The following PSMG2 variants were observed in gnomAD, a reference collection of about 807,000 sequenced individuals.
The protein encoded by PSMG2 is proteasome assembly chaperone 2, also known as CD40 ligand-activated specific transcript 3.
In PSMG2, 21 loss-of-function variants were observed where a neutral mutation model predicts 31.5. The observed-to-expected ratio is 0.67, with a 90% CI of 0.47 to 0.96. The LOEUF (loss-of-function observed/expected upper bound fraction) is 0.96, where lower values mean the gene tolerates loss of function less well. Ranked by LOEUF, PSMG2 falls within the 40% of genes least tolerant of loss-of-function variation. The pLI is 0.00. For missense variants in PSMG2, 318 were observed against 321.2 expected, an observed-to-expected ratio of 0.99 and a Z score of 0.08; for synonymous variants, 120 against 110.4, an observed-to-expected ratio of 1.09 and a Z score of -0.54.
chr18:12,673,310 A>G, intron 1 of PSMG2: 1 of 1,559,704 alleles, frequency 6.4e-7, no homozygotes, highest in Admixed American at 2.2e-5. Context: ...TAAGTAATGT[A>G]CAATGTGTAA....
intron 3 of PSMG2, among the ~76,000 whole-genome samples, chr18:12,714,487 C>CTT (rs11331115): frequency 1.3e-4 from 19 of 141,428 alleles, no homozygotes; most frequent in Admixed American, 2.1e-4. Context: ...TCCTTTCTTC[C>CTT]TTTTTTTTTT....
At chr18:12,665,871 AT>A (rs1376342367) in intron 1 of PSMG2, among the ~76,000 whole-genome samples, 1 of 152,056 alleles carries the variant, frequency 6.6e-6, no homozygotes, top group Non-Finnish European at 1.5e-5. Flanking sequence ...TAATTTTTGT[AT>A]TTTTAGTAGA....
chr18:12,724,403 A>C (rs2040456700), intron 5 of PSMG2, 96 bp from the exon 6 acceptor site: 1 of 1,282,468 alleles, frequency 7.8e-7, no homozygotes, highest in Non-Finnish European at 1.0e-6. Context: ...TCCTTTCCTA[A>C]ACCAGGTAGG....
rs1257030998 is a variant in PSMG2, at chr18:12,725,442, G to A, written c.706G>A (p.Asp236Asn). The change falls in exon 7 of 7, where the codon GAT becomes AAT. Residue 236 changes from aspartate (D) to asparagine (N), a missense_variant. Physicochemically the swap from Asp to Asn is conservative, Grantham distance 23. Transcript: ENST00000317615. ...EWLQILKPLS[D>N]DPTVSASRWK... ...ATATTTTGTTCTTCAATTACAGAGC[G>A]ATGACCCCACAGTATCTGCCTCACG... 11 of 1,580,654 alleles carry A rather than the reference G, an allele frequency of 7.0e-6. No individual in the cohort carries two copies. In the African/African-American group the frequency reaches 8.1e-5, roughly 12 times the overall value.
intron 1 of PSMG2, chr18:12,685,984 A>C (rs12957810): frequency 1.2e-5 from 3 of 252,618 alleles, no homozygotes; most frequent in East Asian, 9.7e-5. Flanking sequence ...ATATACTTTA[A>C]ATCACCTCTA....
chr18:12,669,322 GGCT>G (rs1364347451), intron 1 of PSMG2, among the ~76,000 whole-genome samples: 1 of 151,862 alleles, frequency 6.6e-6, no homozygotes, highest in Non-Finnish European at 1.5e-5. Flanking sequence ...ATGTTGGTCA[GGCT>G]GGTCTCGAAC....
Position 12,680,725 on chromosome 18 carries a change from G to A in PSMG2, c.-37+21952G>A. On this transcript the variant is annotated intron_variant, in intron 1 of 6. Transcript: ENST00000585331. ...ATCAGTTCCACAAGTCATAACCCAT[G>A]CATGAGGTACTCCTTTTGCCTTGGT... 1 of 1,613,482 alleles carries A rather than the reference G, an allele frequency of 6.2e-7. No individual in the cohort carries two copies. The highest frequency in any genetic ancestry group is 8.5e-7 in the Non-Finnish European group (1 of 1,179,884).
At chr18:12,706,450 G>A (rs1002021098) in intron 1 of PSMG2, 100 bp from the exon 2 acceptor site, 1 of 1,284,030 alleles carries the variant, frequency 7.8e-7, no homozygotes, top group Non-Finnish European at 1.1e-6. Context: ...TCACGCCACT[G>A]TACTCCAGCC....
intron 5 of PSMG2, chr18:12,724,074 C>T (rs546420731): frequency 1.3e-5 from 2 of 156,720 alleles, no homozygotes; most frequent in African/African-American, 4.8e-5. Context: ...GAAGTAGGAA[C>T]TTTTATTTCC....
chr18:12,709,858 A>T (rs1370170622), intron 2 of PSMG2, among the ~76,000 whole-genome samples: 1 of 138,258 alleles, frequency 7.2e-6, no homozygotes, highest in Non-Finnish European at 1.6e-5. Flanking sequence ...TGGGTCTTGA[A>T]CTCCTGACCT....
intron 5 of PSMG2, chr18:12,724,212 G>C: frequency 3.4e-6 from 1 of 294,692 alleles, no homozygotes; most frequent in Non-Finnish European, 6.2e-6. Flanking sequence ...TTGGGGAGTA[G>C]GTCAGAACAT....
chr18:12,697,693 T>A (rs969260639), intron 1 of PSMG2, among the ~76,000 whole-genome samples: 1 of 151,436 alleles, frequency 6.6e-6, no homozygotes, highest in African/African-American at 2.5e-5. Context: ...AGTACTTAAC[T>A]AAAGTATATG....
At chr18:12,723,151 T>A (rs112193646) in intron 5 of PSMG2, among the ~76,000 whole-genome samples, 14 of 152,362 alleles carry the variant, frequency 9.2e-5, no homozygotes, top group African/African-American at 3.1e-4. Flanking sequence ...CCTCGGTGCC[T>A]TTCCTTCCTT....
At chr18:12,680,654 A>G in intron 1 of PSMG2, 1 of 1,584,176 alleles carries the variant, frequency 6.3e-7, no homozygotes, top group Non-Finnish European at 8.6e-7. Context: ...TAAACTTAGT[A>G]AACTAACCTG....
At chr18:12,711,750 CTTTTT>C (rs34631690) in intron 2 of PSMG2, among the ~76,000 whole-genome samples, 1 of 97,570 alleles carries the variant, frequency 1.0e-5, no homozygotes, top group Non-Finnish European at 1.9e-5. Flanking sequence ...GCTTCTCATT[CTTTTT>C]TTTTTTTTTT....
At chr18:12,662,596 T>A (rs1020967917) in intron 1 of PSMG2, among the ~76,000 whole-genome samples, 1 of 152,128 alleles carries the variant, frequency 6.6e-6, no homozygotes, top group Non-Finnish European at 1.5e-5. Flanking sequence ...GGCAATGTGA[T>A]GAAAATCCAT....
chr18:12,697,464 A>T, intron 1 of PSMG2: 1 of 1,134,490 alleles, frequency 8.8e-7, no homozygotes, highest in East Asian at 2.5e-5. Context: ...TTAGGCCAAC[A>T]TAAAAGAATA....
At chr18:12,687,954 T>C (rs551191701) in intron 1 of PSMG2, among the ~76,000 whole-genome samples, 1 of 151,838 alleles carries the variant, frequency 6.6e-6, no homozygotes, top group South Asian at 2.1e-4. Flanking sequence ...TAAAACCTAA[T>C]GGCCTTAGGC....
At chr18:12,674,722 T>C in intron 1 of PSMG2, 1 of 1,614,016 alleles carries the variant, frequency 6.2e-7, no homozygotes, top group South Asian at 1.1e-5. Flanking sequence ...GTAGGAGAGC[T>C]GGTCTTCCCA....
Sources: gnomAD v4.1 joint callset for allele counts (sites outside exome capture counted in the v4.1 genomes callset) on GRCh38, gnomAD v4.1.1 for gene constraint, MANE v1.5 for transcripts, NCBI Gene and HGNC (gene_info 2026-07-23, HGNC 2026-07-21) for gene names.